Variants in TCF21 observed in about 807,000 individuals in gnomAD.
The protein encoded by TCF21 is transcription factor 21, also known as capsulin.
In TCF21, 3 loss-of-function variants were observed where a neutral mutation model predicts 13.5. That is an observed-to-expected ratio of 0.22 (90% CI 0.10 to 0.57). The LOEUF is 0.57. Ranked by LOEUF, TCF21 falls within the 20% of genes least tolerant of loss-of-function variation. TCF21 has a pLI of 0.92. For missense variants in TCF21, 181 were observed against 238.4 expected (o/e 0.76, Z 1.59); for synonymous variants, 92 against 101.7 (o/e 0.90, Z 0.57).
In TCF21 at chr6:133,889,371, C is replaced by G; in HGVS notation, c.-27C>G. ...TCTCTGTCTCTCTGTCTCTCTCTCTCTCTCTCCCTCGTCCACTCCCCCAAA... is the reference window on the plus strand; with the variant it reads ...TCTCTGTCTCTCTGTCTCTCTCTCTGTCTCTCCCTCGTCCACTCCCCCAAA... On this transcript the variant is annotated 5_prime_UTR_variant, in exon 1 of 2. Coordinates refer to ENST00000367882, the MANE Select transcript of TCF21 (RefSeq NM_003206.4). This position sits in a 1 kb window ranked among gnomAD's most constrained non-coding sequence, Gnocchi z 5.1. 6.2e-7 allele frequency: 1 copy of G among 1,612,232 alleles called. No homozygotes were observed. The highest frequency in any genetic ancestry group is 8.5e-7 in the Non-Finnish European group (1 of 1,179,540).
At position 133,889,226 on chromosome 6, in the gene TCF21, AG is replaced by A. The variant is rs1229258945; in HGVS notation, c.-169del. ...CTTCTCACAACTCTGCGAAGGGGAA[AG>A]GGTTGTGAGACCCAACCAGACCCCA... On this transcript the variant is annotated 5_prime_UTR_variant, in exon 1 of 2. Coordinates refer to ENST00000367882, the MANE Select transcript of TCF21 (RefSeq NM_003206.4). This position sits in a 1 kb window ranked among gnomAD's most constrained non-coding sequence, Gnocchi z 5.1. The A allele has an allele frequency of 1.1e-5, 8 of 748,472 alleles. No homozygotes were observed. Among genetic ancestry groups the A allele is most frequent in the Non-Finnish European group, 1.3e-5 (6 of 445,884 alleles). The allele number at this position is 748,472 out of a possible 1,614,324, so 46.4% of individuals were successfully genotyped here. A position where few individuals can be genotyped will look rare whatever the true frequency, so the allele number is the denominator to read the frequency against.
chr6:133,890,572 AT>A (rs1238927816), intron 1 of TCF21, among the ~76,000 whole-genome samples: 9 of 152,212 alleles, frequency 5.9e-5, no homozygotes, highest in African/African-American at 2.2e-4. Context: ...ATTGAGCCTA[AT>A]TTTTTAACAC....
chr6:133,895,070 G>A (rs977247766), downstream of TCF21: 1 of 151,556 alleles, frequency 6.6e-6, no homozygotes, highest in South Asian at 2.1e-4. Flanking sequence ...AGCAACTCAG[G>A]ATCATTCTAG....
At chr6:133,895,144 G>T (rs1775282101), downstream of TCF21, 1 of 152,054 alleles carries the variant, frequency 6.6e-6, no homozygotes, top group African/African-American at 2.4e-5. Context: ...CAGAGCTCCA[G>T]CTCTGCTAGC....
chr6:133,889,264 C>T lies in TCF21; in HGVS notation c.-134C>T. ...CCAACCAGACCCCAACTCCAGCTCC[C>T]AGCAGGAGGTGGCTGCGCCACACTC... On this transcript the variant is annotated 5_prime_UTR_variant, in exon 1 of 2. Coordinates refer to ENST00000367882, the MANE Select transcript of TCF21 (RefSeq NM_003206.4). The surrounding 1 kb of genome is among the most constrained non-coding windows in gnomAD (Gnocchi z 5.1). The T allele has an allele frequency of 8.6e-7, 1 of 1,169,364 alleles. No homozygotes were observed. The highest frequency in any genetic ancestry group is 1.3e-6 in the Non-Finnish European group (1 of 795,646). The allele number at this position is 1,169,364 out of a possible 1,614,324, so 72.4% of individuals were successfully genotyped here.
Position 133,889,565 on chromosome 6 carries a change from G to C in TCF21, c.168G>C (p.Leu56=). The C allele has an allele frequency of 6.2e-7, 1 of 1,610,200 alleles. No homozygotes were observed. The highest frequency in any genetic ancestry group is 1.3e-5 in the African/African-American group (1 of 74,260). The change falls in exon 1 of 2, where the codon CTG becomes CTC. Residue 56 remains leucine (L), a synonymous_variant. Coordinates refer to ENST00000367882, the MANE Select transcript of TCF21 (RefSeq NM_003206.4). The surrounding 1 kb of genome is among the most constrained non-coding windows in gnomAD (Gnocchi z 5.1). ...NGSPQKGRGG[L]GKRRKAPTKK... ...CTCCCCAGAAGGGCCGCGGCGGCCT[G>C]GGCAAGAGGAGGAAGGCGCCCACCA... is the stretch of plus-strand genomic sequence containing the variant.
In TCF21 at chr6:133,889,558, G is replaced by T. The variant is rs759910167; in HGVS notation, c.161G>T (p.Gly54Val). The T allele has an allele frequency of 2.5e-6, 4 of 1,613,840 alleles. No homozygotes were observed. The highest frequency in any genetic ancestry group is 1.6e-4 in the Middle Eastern group (1 of 6,084). Residue 54 changes from glycine (G) to valine (V), a missense_variant, in exon 1 of 2, where the codon GGC (glycine) becomes GTC (valine). Coordinates refer to ENST00000367882, the MANE Select transcript of TCF21 (RefSeq NM_003206.4). The surrounding 1 kb of genome is among the most constrained non-coding windows in gnomAD (Gnocchi z 5.1). Reference sequence around the variant, plus strand: ...AATGGGTCTCCCCAGAAGGGCCGCGGCGGCCTGGGCAAGAGGAGGAAGGCG... The same window carrying T: ...AATGGGTCTCCCCAGAAGGGCCGCGTCGGCCTGGGCAAGAGGAGGAAGGCG... ...CENGSPQKGR[G>V]GLGKRRKAPT... is the part of the protein sequence containing the mutation.
chr6:133,894,093 CG>C (rs1430390452), downstream of TCF21: 2 of 152,128 alleles, frequency 1.3e-5, no homozygotes, highest in Non-Finnish European at 2.9e-5. Flanking sequence ...TACTAAGTGG[CG>C]GGTAGTGAAT....
intron 1 of TCF21, among the ~76,000 whole-genome samples, chr6:133,891,344 C>T (rs1562635701): frequency 6.6e-6 from 1 of 152,212 alleles, no homozygotes; most frequent in Non-Finnish European, 1.5e-5. Flanking sequence ...TCTGGGCTTC[C>T]CGGCTCAGAC....
In TCF21 at chr6:133,891,878, G is replaced by A. The variant is rs910536362; in HGVS notation, c.*76G>A. ...CGGGAAGGCGACCCCTGCCCTCAGT[G>A]CTCTCTGTCTCTGCTTCCCCCTCGC... On this transcript the variant is annotated 3_prime_UTR_variant, in exon 2 of 2. Transcript: ENST00000367882. 17 of 1,479,364 alleles carry A rather than the reference G, an allele frequency of 1.1e-5. No individual in the cohort carries two copies. Among genetic ancestry groups the A allele is most frequent in the Middle Eastern group, 1.9e-4 (1 of 5,212 alleles). The allele number at this position is 1,479,364 out of a possible 1,614,324, so 91.6% of individuals were successfully genotyped here.
rs746280282 is a variant in TCF21, at chr6:133,889,703, C to G, written c.306C>G (p.Leu102=). 1.2e-6 allele frequency: 2 copies of G among 1,613,814 alleles called. No individual in the cohort carries two copies. Among genetic ancestry groups the G allele is most frequent in the South Asian group, 2.2e-5 (2 of 91,086 alleles). The change falls in exon 1 of 2, where the codon CTC becomes CTG. Residue 102 remains leucine, a synonymous_variant. Transcript: ENST00000367882. This position sits in a 1 kb window ranked among gnomAD's most constrained non-coding sequence, Gnocchi z 5.1. ...TGCTGAGCAAGGCCTTCTCCAGACT[C>G]AAGACCACCCTGCCCTGGGTGCCCC... ...MRVLSKAFSR[L]KTTLPWVPPD...
chr6:133,894,024 G>C (rs1196034791), downstream of TCF21: 1 of 152,122 alleles, frequency 6.6e-6, no homozygotes, highest in Non-Finnish European at 1.5e-5. Flanking sequence ...GCTCAGATGA[G>C]ATTATATCTG....
In TCF21 at chr6:133,891,864, C is replaced by T; in HGVS notation, c.*62C>T. The T allele has an allele frequency of 1.3e-6, 2 of 1,563,664 alleles. No individual in the cohort carries two copies. The highest frequency in any genetic ancestry group is 8.8e-7 in the Non-Finnish European group (1 of 1,141,072). On this transcript the variant is annotated 3_prime_UTR_variant, in exon 2 of 2. Transcript: ENST00000367882. The stretch of plus-strand genomic sequence containing the variant: ...GGGGGAGCGGGCCCCGGGAAGGCGA[C>T]CCCTGCCCTCAGTGCTCTCTGTCTC...
At chr6:133,890,971 G>T (rs1775206677) in intron 1 of TCF21, among the ~76,000 whole-genome samples, 1 of 152,244 alleles carries the variant, frequency 6.6e-6, no homozygotes, top group East Asian at 1.9e-4. Flanking sequence ...AAATGAAAGT[G>T]TTGCCTCGAA....
At position 133,889,706 on chromosome 6, in the gene TCF21, G is replaced by A; in HGVS notation, c.309G>A (p.Lys103=). 6.2e-7 allele frequency: 1 copy of A among 1,613,766 alleles called. No homozygotes were observed. The highest frequency in any genetic ancestry group is 8.5e-7 in the Non-Finnish European group (1 of 1,179,974). Reference sequence around the variant, plus strand: ...TGAGCAAGGCCTTCTCCAGACTCAAGACCACCCTGCCCTGGGTGCCCCCCG... The same window carrying A: ...TGAGCAAGGCCTTCTCCAGACTCAAAACCACCCTGCCCTGGGTGCCCCCCG... The part of the protein sequence containing the change: ...RVLSKAFSRL[K]TTLPWVPPDT... The change falls in exon 1 of 2, where the codon AAG becomes AAA. Residue 103 remains lysine (K), a synonymous_variant. Transcript: ENST00000367882. The surrounding 1 kb of genome is among the most constrained non-coding windows in gnomAD (Gnocchi z 5.1).
At chr6:133,891,576 G>C (rs972728294) in intron 1 of TCF21, 137 bp from the exon 2 acceptor site, 1 of 939,208 alleles carries the variant, frequency 1.1e-6, no homozygotes, top group Non-Finnish European at 1.7e-6. Flanking sequence ...AGGACCGGGA[G>C]TAAATTGCAG....
chr6:133,892,035 T>C lies in TCF21; in HGVS notation c.*233T>C. The C allele has an allele frequency of 2.0e-6, 1 of 502,344 alleles. No individual in the cohort carries two copies. Among genetic ancestry groups the C allele is most frequent in the Non-Finnish European group, 3.6e-6 (1 of 279,236 alleles). 31.1% of individuals were successfully genotyped at this position (502,344 alleles called of 1,614,324 possible). A position where few individuals can be genotyped will look rare whatever the true frequency, so the allele number is the denominator to read the frequency against. On this transcript the variant is annotated 3_prime_UTR_variant, in exon 2 of 2. Transcript: ENST00000367882. ...TAACTTTATTAACTTCTACCGTGAATGACTCTGCAAGCCTTGCTGGTCCAA... is the reference window on the plus strand; with the variant it reads ...TAACTTTATTAACTTCTACCGTGAACGACTCTGCAAGCCTTGCTGGTCCAA...
At position 133,889,627 on chromosome 6, in the gene TCF21, A is replaced by G. The variant is rs1277305532; in HGVS notation, c.230A>G (p.Lys77Arg). ...CTGAGCGGGGTCAGCCAGGAGGGGA[A>G]GCAGGTCCAGCGCAACGCCGCCAAC... ...SPLSGVSQEG[K>R]QVQRNAANAR... is the part of the protein sequence containing the mutation. The change falls in exon 1 of 2, where the codon AAG becomes AGG. Residue 77 changes from lysine (K) to arginine (R), a missense_variant. Transcript: ENST00000367882. This position sits in a 1 kb window ranked among gnomAD's most constrained non-coding sequence, Gnocchi z 5.1. 1.9e-6 allele frequency: 3 copies of G among 1,613,266 alleles called. No individual in the cohort carries two copies. Among genetic ancestry groups the G allele is most frequent in the Admixed American group, 3.3e-5 (2 of 59,974 alleles).
At chr6:133,893,030 G>A (rs1327557941), downstream of TCF21, 1 of 152,250 alleles carries the variant, frequency 6.6e-6, no homozygotes, top group African/African-American at 2.4e-5. Context: ...AATGTTCGGG[G>A]TTATGACCGC....
Sources: gnomAD v4.1 joint callset for allele counts (sites outside exome capture counted in the v4.1 genomes callset) on GRCh38, gnomAD v4.1.1 for gene constraint, Gnocchi (gnomAD v3.1) non-coding constraint, MANE v1.5 for transcripts, NCBI Gene and HGNC (gene_info 2026-07-23, HGNC 2026-07-21) for gene names.